The following SLC5A2 variants were observed in gnomAD, a reference collection of about 807,000 sequenced individuals.
SLC5A2 encodes the protein sodium/glucose cotransporter 2.
In SLC5A2, 67 loss-of-function variants were observed where a neutral mutation model predicts 69.0. The observed-to-expected ratio is 0.97, with a 90% CI of 0.80 to 1.19. The LOEUF is 1.19. SLC5A2 is among the 50% of genes most tolerant of loss of function. The pLI is 0.00. For missense variants in SLC5A2, 1,001 were observed against 921.5 expected, an observed-to-expected ratio of 1.09 and a Z score of -1.12; for synonymous variants, 455 against 395.8, an observed-to-expected ratio of 1.15 and a Z score of -1.78.
intron 1 of SLC5A2, among the ~76,000 whole-genome samples, chr16:31,484,028 G>A (rs2082475277): frequency 6.6e-6 from 1 of 152,152 alleles, no homozygotes; most frequent in South Asian, 2.1e-4. Context: ...GTTCAAGGCT[G>A]CAGTGAGCTA....
intron 4 of SLC5A2, 40 bp from the exon 5 acceptor site, chr16:31,486,130 C>A (rs960221585): frequency 6.6e-7 from 1 of 1,505,228 alleles, no homozygotes; most frequent in Non-Finnish European, 9.3e-7. Context: ...GCTGGGGACA[C>A]TGCCCTGGGT....
At chr16:31,489,715 G>A (rs989302446) in intron 12 of SLC5A2, 18 of 451,962 alleles carry the variant, frequency 4.0e-5, no homozygotes, top group Non-Finnish European at 7.4e-5. Flanking sequence ...GTGGGGTGAG[G>A]ACAGGACAAG....
intron 5 of SLC5A2, 134 bp from the exon 6 acceptor site, chr16:31,487,186 G>C (rs1310470263): frequency 1.1e-6 from 1 of 912,762 alleles, no homozygotes; most frequent in Non-Finnish European, 1.8e-6. Flanking sequence ...CATGAGCCCC[G>C]AGAACAGGCT....
intron 6 of SLC5A2, 49 bp from the exon 7 acceptor site, chr16:31,487,481 T>C: frequency 6.2e-7 from 1 of 1,610,946 alleles, no homozygotes; most frequent in Non-Finnish European, 8.5e-7. Context: ...GTTGCGCGTC[T>C]CCGGTCTGAG....
At chr16:31,487,941 G>A in intron 7 of SLC5A2, 97 bp from the exon 8 acceptor site, 1 of 1,557,274 alleles carries the variant, frequency 6.4e-7, no homozygotes, top group Non-Finnish European at 8.7e-7. Context: ...TGAACTTGGG[G>A]CACTCACGAG....
Position 31,489,053 on chromosome 16 carries a change from G to A in SLC5A2, c.1449+5G>A. 1 of 1,601,430 alleles carries A rather than the reference G, an allele frequency of 6.2e-7. No individual in the cohort carries two copies. Among genetic ancestry groups the A allele is most frequent in the Non-Finnish European group, 8.5e-7 (1 of 1,179,880 alleles). On this transcript the variant is annotated splice_donor_5th_base_variant and intron_variant, in intron 11 of 13. Transcript: ENST00000330498. ...GTGCCGCGCGTTAATGAGCAGGTGA[G>A]CGGCACGCGCGTGGTGACGGCAGGG... is the stretch of plus-strand genomic sequence containing the variant.
At position 31,490,157 on chromosome 16, in the gene SLC5A2, G is replaced by A. The variant is rs767926604; in HGVS notation, c.1719G>A (p.Leu573=). The change falls in exon 13 of 14, where the codon CTG becomes CTA. Residue 573 remains leucine (L), a synonymous_variant. Coordinates refer to ENST00000330498, the MANE Select transcript of SLC5A2 (RefSeq NM_003041.4). ...ATAGCAAGGAGGAACGGGAGGACCT[G>A]GATGCTGATGAGCAGCAAGGCTCCT... is the stretch of plus-strand genomic sequence containing the variant. ...LRHSKEERED[L]DADEQQGSSL... 2.5e-6 allele frequency: 4 copies of A among 1,614,178 alleles called. No individual in the cohort carries two copies. Among genetic ancestry groups the A allele is most frequent in the Non-Finnish European group, 3.4e-6 (4 of 1,180,034 alleles).
At chr16:31,490,025 G>A (rs1335583699) in intron 12 of SLC5A2, 79 bp from the exon 13 acceptor site, 37 of 1,589,410 alleles carry the variant, frequency 2.3e-5, no homozygotes, top group Non-Finnish European at 2.7e-5. Context: ...AGGCAGTGAC[G>A]AGCTGGTGTG....
chr16:31,488,204 C>T lies in SLC5A2; in HGVS notation c.1021+31C>T, dbSNP rs754363325. On this transcript the variant is annotated intron_variant, in intron 8 of 13. Coordinates refer to ENST00000330498, the MANE Select transcript of SLC5A2 (RefSeq NM_003041.4). ...ATCCCTGCCCCGCCCCTTTCCTGTGCCAGCAACCGGGCGCCCGTCGCCCAG... is the reference window on the plus strand; with the variant it reads ...ATCCCTGCCCCGCCCCTTTCCTGTGTCAGCAACCGGGCGCCCGTCGCCCAG... 9 of 1,613,772 alleles carry T rather than the reference C, an allele frequency of 5.6e-6. No homozygotes were observed. The Admixed American group carries it at 1.5e-4, about 27-fold the overall frequency.
chr16:31,484,775 G>C, intron 2 of SLC5A2, 31 bp downstream of exon 2: 1 of 1,611,134 alleles, frequency 6.2e-7, no homozygotes, highest in Non-Finnish European at 8.5e-7. Context: ...AACGGGAGGG[G>C]CCTGGAGAAG....
rs756273705 is a variant in SLC5A2, at chr16:31,490,166, T to C, written c.1728T>C (p.Asp576=). The part of the protein sequence containing the change: ...SKEEREDLDA[D]EQQGSSLPVQ... ...AGGAACGGGAGGACCTGGATGCTGA[T>C]GAGCAGCAAGGCTCCTCACTCCCTG... Residue 576 remains aspartate, a synonymous_variant, in exon 13 of 14, where the codon GAT becomes GAC. Coordinates refer to ENST00000330498, the MANE Select transcript of SLC5A2 (RefSeq NM_003041.4). 3 of 1,614,174 alleles carry C rather than the reference T, an allele frequency of 1.9e-6. No individual in the cohort carries two copies. Among genetic ancestry groups the C allele is most frequent in the Middle Eastern group, 1.7e-4 (1 of 6,058 alleles).
At position 31,489,022 on chromosome 16, in the gene SLC5A2, C is replaced by A; in HGVS notation, c.1423C>A (p.Leu475Ile). 6.2e-7 allele frequency: 1 copy of A among 1,600,632 alleles called. No individual in the cohort carries two copies. The highest frequency in any genetic ancestry group is 1.3e-5 in the African/African-American group (1 of 75,048). ...PPVSAVFVLA[L>I]FVPRVNEQGA... Reference sequence around the variant, plus strand: ...CGTGTCCGCCGTCTTCGTGCTGGCGCTCTTCGTGCCGCGCGTTAATGAGCA... The same window carrying A: ...CGTGTCCGCCGTCTTCGTGCTGGCGATCTTCGTGCCGCGCGTTAATGAGCA... The change falls in exon 11 of 14, where the codon CTC becomes ATC. Residue 475 changes from leucine to isoleucine, a missense_variant. Leu to Ile is a conservative substitution (Grantham distance 5). Transcript: ENST00000330498.
chr16:31,485,721 C>G lies in SLC5A2; in HGVS notation c.304-8C>G, dbSNP rs749592867. 7 of 1,612,564 alleles carry G rather than the reference C, an allele frequency of 4.3e-6. No homozygotes were observed. The highest frequency in any genetic ancestry group is 5.9e-6 in the Non-Finnish European group (7 of 1,180,024). On this transcript the variant is annotated splice_polypyrimidine_tract_variant and splice_region_variant and intron_variant, in intron 3 of 13. Transcript: ENST00000330498. ...AGCCACCCTCAGCGGCAGTACTGCC[C>G]CCCGTAGGCGCTCTTCGTGGTGCTG... is the stretch of plus-strand genomic sequence containing the variant.
Position 31,488,432 on chromosome 16 carries a change from G to T in SLC5A2, c.1071G>T (p.Thr357=). The T allele has an allele frequency of 6.2e-7, 1 of 1,611,766 alleles. No homozygotes were observed. The highest frequency in any genetic ancestry group is 8.5e-7 in the Non-Finnish European group (1 of 1,179,744). ...AGGTGTGCAGGCGCGTGTGCGGCAC[G>T]GAGGTGGGCTGCTCCAACATCGCCT... The part of the protein sequence containing the change: ...VPEVCRRVCG[T]EVGCSNIAYP... Residue 357 remains threonine (T), a synonymous_variant, in exon 9 of 14, where the codon ACG becomes ACT. Transcript: ENST00000330498.
chr16:31,490,472 G>A lies in SLC5A2; in HGVS notation c.1956G>A (p.Val652=). The A allele has an allele frequency of 6.2e-7, 1 of 1,613,994 alleles. No homozygotes were observed. Among genetic ancestry groups the A allele is most frequent in the Non-Finnish European group, 8.5e-7 (1 of 1,180,004 alleles). The change falls in exon 14 of 14, where the codon GTG becomes GTA. Residue 652 remains valine (V), a synonymous_variant. Coordinates refer to ENST00000330498, the MANE Select transcript of SLC5A2 (RefSeq NM_003041.4). ...GCGAGGACCCGAGCTGGGCCCGTGT[G>A]GTCAACCTCAATGCCCTGCTCATGA... The part of the protein sequence containing the change: ...DISEDPSWAR[V]VNLNALLMMA...
At chr16:31,489,073 G>A (rs374107280) in intron 11 of SLC5A2, 25 bp downstream of exon 11, 78 of 1,602,556 alleles carry the variant, frequency 4.9e-5, no homozygotes, top group Non-Finnish European at 6.0e-5. Flanking sequence ...CGTGGTGACG[G>A]CAGGGCTGGG....
chr16:31,489,154 T>C lies in SLC5A2; in HGVS notation c.1481T>C (p.Leu494Pro). The change falls in exon 12 of 14, where the codon CTG becomes CCG. Residue 494 changes from leucine (L) to proline (P), a missense_variant. Coordinates refer to ENST00000330498, the MANE Select transcript of SLC5A2 (RefSeq NM_003041.4). ...GAFWGLIGGL[L>P]MGLARLIPEF... ...TTCTGGGGACTCATCGGGGGCCTGC[T>C]GATGGGCCTGGCACGCCTGATTCCC... is the stretch of plus-strand genomic sequence containing the variant. 1 of 1,609,846 alleles carries C rather than the reference T, an allele frequency of 6.2e-7. No homozygotes were observed. Among genetic ancestry groups the C allele is most frequent in the Non-Finnish European group, 8.5e-7 (1 of 1,180,002 alleles).
chr16:31,487,243 C>T, intron 5 of SLC5A2, 77 bp from the exon 6 acceptor site: 1 of 1,376,550 alleles, frequency 7.3e-7, no homozygotes, highest in Non-Finnish European at 1.0e-6. Flanking sequence ...TTTCAAATTC[C>T]CACAAAGACG....
At position 31,488,420 on chromosome 16, in the gene SLC5A2, C is replaced by A. The variant is rs898363995; in HGVS notation, c.1059C>A (p.Arg353=). The A allele has an allele frequency of 1.9e-6, 3 of 1,611,828 alleles. No homozygotes were observed. The highest frequency in any genetic ancestry group is 2.5e-6 in the Non-Finnish European group (3 of 1,179,776). The part of the protein sequence containing the change: ...VACVVPEVCR[R]VCGTEVGCSN... The stretch of plus-strand genomic sequence containing the variant: ...GCGTGGTGCCTGAGGTGTGCAGGCG[C>A]GTGTGCGGCACGGAGGTGGGCTGCT... Residue 353 remains arginine (R), a synonymous_variant, in exon 9 of 14, where the codon CGC becomes CGA. Coordinates refer to ENST00000330498, the MANE Select transcript of SLC5A2 (RefSeq NM_003041.4).
Sources: allele counts gnomAD v4.1 joint callset (sites outside exome capture counted in the v4.1 genomes callset), GRCh38; gene constraint gnomAD v4.1.1; transcripts MANE v1.5; gene names NCBI Gene and HGNC (gene_info 2026-07-23, HGNC 2026-07-21).